ZNF679: variants seen among roughly 807,000 people sequenced by gnomAD.
ZNF679 encodes the protein zinc finger protein 679.
ZNF679 carries 10 observed loss-of-function variants against 13.4 expected under a neutral mutation model. The observed-to-expected ratio is 0.75, with a 90% CI of 0.46 to 1.27. ZNF679 has a LOEUF of 1.27. Ranked by LOEUF, ZNF679 falls within the 50% of genes most tolerant of loss-of-function variation. ZNF679 has a pLI of 0.00. For synonymous variants in ZNF679, 179 were observed against 162.5 expected (o/e 1.10, Z -0.77); for missense variants, 525 against 477.8 (o/e 1.10, Z -0.92).
chr7:64,230,720 C>T (rs1385350194), intron 1 of ZNF679, among the ~76,000 whole-genome samples: 2 of 152,130 alleles, frequency 1.3e-5, no homozygotes, highest in Non-Finnish European at 2.9e-5. Flanking sequence ...AGATTAGATT[C>T]ACAATCTCAC....
intron 2 of ZNF679, among the ~76,000 whole-genome samples, chr7:64,250,044 G>T (rs961313205): frequency 4.6e-5 from 7 of 152,176 alleles, no homozygotes; most frequent in East Asian, 1.9e-4. Context: ...GTTTCACCAT[G>T]TTGGCCAGGC....
At chr7:64,243,857 A>G (rs1238232422) in intron 1 of ZNF679, among the ~76,000 whole-genome samples, 1 of 152,158 alleles carries the variant, frequency 6.6e-6, no homozygotes, top group African/African-American at 2.4e-5. Flanking sequence ...ATCAGAGTCA[A>G]TATCTCCTGT....
chr7:64,254,777 G>A (rs1430617803), intron 2 of ZNF679, among the ~76,000 whole-genome samples: 1 of 151,938 alleles, frequency 6.6e-6, no homozygotes, highest in East Asian at 1.9e-4. Context: ...TAGACAATAA[G>A]TTGGTGGTAA....
At chr7:64,239,993 T>C (rs1787774498) in intron 1 of ZNF679, among the ~76,000 whole-genome samples, 2 of 152,328 alleles carry the variant, frequency 1.3e-5, no homozygotes, top group South Asian at 4.1e-4. Flanking sequence ...CTAGGTGATG[T>C]GACTCTGTTC....
At chr7:64,258,950 C>G (rs566828368) in intron 2 of ZNF679, among the ~76,000 whole-genome samples, 2 of 151,896 alleles carry the variant, frequency 1.3e-5, no homozygotes, top group Admixed American at 6.6e-5. Flanking sequence ...TCACTCTTGT[C>G]CCCCAGGCTG....
chr7:64,266,009 A>G lies in ZNF679; in HGVS notation c.376A>G (p.Lys126Glu). The G allele has an allele frequency of 6.2e-7, 1 of 1,613,686 alleles. No homozygotes were observed. The highest frequency in any genetic ancestry group is 8.5e-7 in the Non-Finnish European group (1 of 1,179,764). ...GKSGHDNLQV[K>E]TCKSMGECEV... ...AAGTGGACATGACAATTTACAAGTA[A>G]AAACATGTAAAAGCATGGGTGAGTG... The change falls in exon 5 of 5, where the codon AAA (lysine) becomes GAA (glutamate). Residue 126 changes from lysine to glutamate, a missense_variant. By Grantham distance (56) the Lys-to-Glu change is moderately conservative (BLOSUM62 1). Transcript: ENST00000421025.
At chr7:64,244,027 A>C (rs1341224732) in intron 1 of ZNF679, among the ~76,000 whole-genome samples, 1 of 152,170 alleles carries the variant, frequency 6.6e-6, no homozygotes, top group Non-Finnish European at 1.5e-5. Context: ...TGAGGCGGGC[A>C]GATCATGAGG....
At position 64,266,640 on chromosome 7, in the gene ZNF679, C is replaced by T. The variant is rs1788156647; in HGVS notation, c.1007C>T (p.Ser336Phe). 5.6e-6 allele frequency: 9 copies of T among 1,610,340 alleles called. No homozygotes were observed. The highest frequency in any genetic ancestry group is 1.3e-5 in the African/African-American group (1 of 74,852). Residue 336 changes from serine to phenylalanine, a missense_variant, in exon 5 of 5, where the codon TCC becomes TTC. By Grantham distance (155) the Ser-to-Phe change is radical. Transcript: ENST00000421025. Reference protein sequence around the residue: ...CEECGKAFNCSSTLKKHKIIH... With the variant: ...CEECGKAFNCFSTLKKHKIIH... ...GAATGTGGCAAAGCCTTTAACTGCTCCTCAACCCTTAAGAAACATAAGATA... is the reference window on the plus strand; with the variant it reads ...GAATGTGGCAAAGCCTTTAACTGCTTCTCAACCCTTAAGAAACATAAGATA...
chr7:64,257,307 CTT>C (rs1308790455), intron 2 of ZNF679, among the ~76,000 whole-genome samples: 1 of 152,068 alleles, frequency 6.6e-6, no homozygotes, highest in Non-Finnish European at 1.5e-5. Context: ...AGTTTCAAAA[CTT>C]TTTTTATTTC....
At chr7:64,256,817 C>A (rs888117989) in intron 2 of ZNF679, among the ~76,000 whole-genome samples, 1 of 151,792 alleles carries the variant, frequency 6.6e-6, no homozygotes, top group African/African-American at 2.4e-5. Context: ...CCTGTCTCAG[C>A]CTCCTGAGTA....
intron 1 of ZNF679, among the ~76,000 whole-genome samples, chr7:64,229,743 G>C (rs999007485): frequency 6.6e-6 from 1 of 152,090 alleles, no homozygotes; most frequent in Non-Finnish European, 1.5e-5. Context: ...GTATTTGCTG[G>C]GTCTATGTAT....
chr7:64,266,919 C>G lies in ZNF679; in HGVS notation c.*50C>G. 6.8e-7 allele frequency: 1 copy of G among 1,460,826 alleles called. No homozygotes were observed. The highest frequency in any genetic ancestry group is 9.0e-7 in the Non-Finnish European group (1 of 1,107,360). 90.5% of individuals were successfully genotyped at this position (1,460,826 alleles called of 1,614,324 possible). ...CTTATAATACATAAAATAATTTATACTTGAAAAAATCACTACAAGTGTAAA... is the reference window on the plus strand; with the variant it reads ...CTTATAATACATAAAATAATTTATAGTTGAAAAAATCACTACAAGTGTAAA... On this transcript the variant is annotated 3_prime_UTR_variant, in exon 5 of 5. Coordinates refer to ENST00000421025, the MANE Select transcript of ZNF679 (RefSeq NM_153363.3).
chr7:64,249,021 C>A lies in ZNF679; in HGVS notation c.-90-7C>A. The A allele has an allele frequency of 1.3e-6, 2 of 1,561,536 alleles. No individual in the cohort carries two copies. Among genetic ancestry groups the A allele is most frequent in the Non-Finnish European group, 1.7e-6 (2 of 1,144,776 alleles). On this transcript the variant is annotated splice_polypyrimidine_tract_variant and splice_region_variant and intron_variant, in intron 1 of 4. Transcript: ENST00000421025. ...TTTCCGGGTCCTTTGTGTTTCTCTGCGTCCAGAGCTCCAGTTCTTCTCTTC... is the reference window on the plus strand; with the variant it reads ...TTTCCGGGTCCTTTGTGTTTCTCTGAGTCCAGAGCTCCAGTTCTTCTCTTC...
At chr7:64,254,058 T>C (rs77898669) in intron 2 of ZNF679, among the ~76,000 whole-genome samples, 20 of 152,296 alleles carry the variant, frequency 1.3e-4, no homozygotes, top group African/African-American at 4.8e-4. Flanking sequence ...AGAACGTTTC[T>C]TTCTGTTAAG....
chr7:64,264,277 T>G (rs1258543261), intron 4 of ZNF679, among the ~76,000 whole-genome samples: 1 of 152,116 alleles, frequency 6.6e-6, no homozygotes, highest in East Asian at 1.9e-4. Flanking sequence ...TTCAGTTGCA[T>G]AGAAAAATTT....
chr7:64,254,980 A>G (rs1174779425), intron 2 of ZNF679, among the ~76,000 whole-genome samples: 1 of 140,486 alleles, frequency 7.1e-6, no homozygotes, highest in East Asian at 2.2e-4. Context: ...AGCCTGGGCA[A>G]CAGAGTGAGA....
At chr7:64,238,252 T>C (rs1787752882) in intron 1 of ZNF679, among the ~76,000 whole-genome samples, 1 of 152,144 alleles carries the variant, frequency 6.6e-6, no homozygotes, top group Admixed American at 6.5e-5. Flanking sequence ...CTCTATTGCA[T>C]TGATTTTTCC....
At chr7:64,265,445 GGT>G (rs937741081) in intron 4 of ZNF679, among the ~76,000 whole-genome samples, 3 of 152,068 alleles carry the variant, frequency 2.0e-5, no homozygotes, top group African/African-American at 4.8e-5. Context: ...AAGACTTAAA[GGT>G]GTCATTTCAA....
chr7:64,249,093 G>T lies in ZNF679; in HGVS notation c.-25G>T, dbSNP rs751414091. 2.5e-6 allele frequency: 4 copies of T among 1,614,104 alleles called. No individual in the cohort carries two copies. Among genetic ancestry groups the T allele is most frequent in the Admixed American group, 1.7e-5 (1 of 60,008 alleles). Reference sequence around the variant, plus strand: ...CTAGAGGCCAAGCCACTGTGGCCTTGTGTTCTGCAGGTATCCGCAGATTTA... The same window carrying T: ...CTAGAGGCCAAGCCACTGTGGCCTTTTGTTCTGCAGGTATCCGCAGATTTA... On this transcript the variant is annotated 5_prime_UTR_variant, in exon 2 of 5. Transcript: ENST00000421025.
Sources: gnomAD v4.1 joint callset for allele counts (sites outside exome capture counted in the v4.1 genomes callset) on GRCh38, gnomAD v4.1.1 for gene constraint, MANE v1.5 for transcripts, NCBI Gene and HGNC (gene_info 2026-07-23, HGNC 2026-07-21) for gene names.